GSE1: variants seen among roughly 807,000 people sequenced by gnomAD.
GSE1 encodes genetic suppressor element 1.
Under a neutral mutation model 112.6 loss-of-function variants are expected in GSE1, and 32 were observed. The observed-to-expected ratio is 0.28, with a 90% CI of 0.21 to 0.38. The LOEUF is 0.38. GSE1 is among the 10% of genes least tolerant of loss of function. GSE1 has a pLI of 1.00. For missense variants in GSE1, 2,348 were observed against 1,699.2 expected, an observed-to-expected ratio of 1.38 and a Z score of -6.71; for synonymous variants, 1,115 against 735.6, an observed-to-expected ratio of 1.52 and a Z score of -8.35.
At chr16:85,544,430 G>T (rs186923821) in intron 2 of GSE1, among the ~76,000 whole-genome samples, 1 of 152,186 alleles carries the variant, frequency 6.6e-6, no homozygotes, top group Non-Finnish European at 1.5e-5. Flanking sequence ...CTCAGGCCAC[G>T]GGGACAGTCC....
chr16:85,467,844 C>A (rs1348057613), intron 2 of GSE1, among the ~76,000 whole-genome samples: 1 of 152,182 alleles, frequency 6.6e-6, no homozygotes, highest in African/African-American at 2.4e-5. Flanking sequence ...TTGGAGTTGA[C>A]AGTTGATTCG....
intron 2 of GSE1, among the ~76,000 whole-genome samples, chr16:85,390,558 G>T (rs987267284): frequency 1.3e-5 from 2 of 152,136 alleles, no homozygotes; most frequent in Non-Finnish European, 2.9e-5. Flanking sequence ...AAGGTGTCGG[G>T]CTTTATGTCT....
Position 85,645,971 on chromosome 16 carries a change from A to G in GSE1, c.227-2581A>G, listed in dbSNP as rs1439294970. Among the ~76,000 whole-genome samples the G allele has an allele frequency of 2.7e-5, 4 of 149,686 alleles. No individual in the cohort carries two copies. The East Asian group carries it at 5.9e-4, about 22-fold the overall frequency. On this transcript the variant is annotated intron_variant, in intron 2 of 15. Transcript: ENST00000253458. The stretch of plus-strand genomic sequence containing the variant: ...TCTACCTGCTTCTACCACGCATTCT[A>G]CCTGCTTCTACCACGCTTCCTATGC...
chr16:85,437,026 G>A (rs1386708680), intron 2 of GSE1, among the ~76,000 whole-genome samples: 3 of 152,214 alleles, frequency 2.0e-5, no homozygotes, highest in African/African-American at 7.2e-5. Flanking sequence ...CCTCCCCAGC[G>A]ACTTTTGGCC....
intron 1 of GSE1, among the ~76,000 whole-genome samples, chr16:85,279,830 G>T (rs1242141863): frequency 6.6e-6 from 1 of 152,120 alleles, no homozygotes; most frequent in Non-Finnish European, 1.5e-5. Context: ...GCCTGAGTGA[G>T]GATCTGTGTT....
In GSE1 at chr16:85,246,768, C is replaced by T. The variant is rs891233383; in HGVS notation, c.2283+74961C>T. On this transcript the variant is annotated intron_variant, in intron 1 of 2. Coordinates refer to the GSE1 transcript ENST00000637419. ...CTGTGCCTGGAAGCAATGAAATGGG[C>T]ACCCTCTGGGGGAGCCTCCCCCCTG... 5.9e-5 allele frequency among the ~76,000 whole-genome samples: 9 copies of T among 152,146 alleles called. No homozygotes were observed. In the South Asian group the frequency reaches 1.4e-3, roughly 25 times the overall value.
chr16:85,507,009 C>T (rs1287506596), intron 2 of GSE1, among the ~76,000 whole-genome samples: 1 of 152,176 alleles, frequency 6.6e-6, no homozygotes, highest in Non-Finnish European at 1.5e-5. Context: ...CTGTGGTATG[C>T]CGACCAGTGG....
chr16:85,382,465 C>T (rs886342911), intron 2 of GSE1, among the ~76,000 whole-genome samples: 1 of 152,156 alleles, frequency 6.6e-6, no homozygotes, highest in Non-Finnish European at 1.5e-5. Flanking sequence ...TGGGTAAAAT[C>T]GCTCCCAGTC....
intron 1 of GSE1, among the ~76,000 whole-genome samples, chr16:85,578,912 G>A (rs142729650): frequency 2.6e-4 from 39 of 151,168 alleles, no homozygotes; most frequent in African/African-American, 9.3e-4. Context: ...CTCCTCAACT[G>A]GACTGTAAGC....
chr16:85,366,872 A>G (rs902500490), intron 2 of GSE1, among the ~76,000 whole-genome samples: 4 of 152,278 alleles, frequency 2.6e-5, no homozygotes, highest in African/African-American at 9.6e-5. Flanking sequence ...TTCTTTCCCA[A>G]TAAGTTGGTG....
chr16:85,652,125 C>A (rs1190231675), intron 3 of GSE1, among the ~76,000 whole-genome samples: 1 of 152,246 alleles, frequency 6.6e-6, no homozygotes. Flanking sequence ...CCCCACATGC[C>A]CGTGCACAGC....
At position 85,354,202 on chromosome 16, in the gene GSE1, C is replaced by T. The variant is rs370636330; in HGVS notation, c.2284-3261C>T. Among the ~76,000 whole-genome samples the T allele has an allele frequency of 8.8e-4, 134 of 152,314 alleles. 1 individual carries two copies. In the Middle Eastern group the frequency reaches 0.017, roughly 19 times the overall value. ...TCTCCCCCGGTGGTATTCCCTCTTG[C>T]CATCTTCTGTTCTCTACTGAAAAGC... On this transcript the variant is annotated intron_variant, in intron 1 of 2. Coordinates refer to the GSE1 transcript ENST00000637419.
intron 1 of GSE1, among the ~76,000 whole-genome samples, chr16:85,342,911 G>A (rs562279915): frequency 2.0e-5 from 3 of 151,590 alleles, no homozygotes; most frequent in African/African-American, 7.2e-5. Flanking sequence ...TGTGCATGAA[G>A]AGGGGGTGCC....
chr16:85,174,520 G>A (rs1034431284), intron 1 of GSE1, among the ~76,000 whole-genome samples: 7 of 152,178 alleles, frequency 4.6e-5, no homozygotes, highest in Admixed American at 2.6e-4. Flanking sequence ...CTGGTCTTCC[G>A]TCCTCCCTCC....
Position 85,373,208 on chromosome 16 carries a change from G to A in GSE1, c.2464+15565G>A, listed in dbSNP as rs191134997. Among the ~76,000 whole-genome samples the A allele has an allele frequency of 7.0e-3, 1,069 of 152,332 alleles. 6 individuals are homozygous for A. The highest frequency in any genetic ancestry group is 0.024 in the African/African-American group (1,014 of 41,586). ...CAGGGTGGGTGCCAGGCGCCTGGTA[G>A]CAGGCCCAGCTGCCTCGAGGTGCTC... On this transcript the variant is annotated intron_variant, in intron 2 of 2. Transcript: ENST00000637419. This position sits in a 1 kb window ranked among gnomAD's most constrained non-coding sequence, Gnocchi z 5.1.
chr16:85,625,725 C>T (rs759525870), intron 1 of GSE1, among the ~76,000 whole-genome samples: 7 of 152,262 alleles, frequency 4.6e-5, no homozygotes, highest in East Asian at 1.9e-4. Context: ...TCAAGGGTGT[C>T]GTGGGGCTCG....
Position 85,440,702 on chromosome 16 carries a change from G to C in GSE1, c.2464+83059G>C, listed in dbSNP as rs190389327. On this transcript the variant is annotated intron_variant, in intron 2 of 2. Coordinates refer to the GSE1 transcript ENST00000637419. ...ACTTTTTTCAGGTTGGGTAAGTTCT[G>C]GTGCTGAGGCCCCAGGAACCATCAC... 1.2e-3 allele frequency among the ~76,000 whole-genome samples: 178 copies of C among 152,300 alleles called. 2 individuals carry two copies. Among genetic ancestry groups the C allele is most frequent in the African/African-American group, 4.0e-3 (165 of 41,572 alleles).
intron 3 of GSE1, among the ~76,000 whole-genome samples, chr16:85,652,494 G>A (rs981715788): frequency 3.9e-5 from 6 of 152,220 alleles, no homozygotes; most frequent in Non-Finnish European, 8.8e-5. Context: ...AAGGGGGGCC[G>A]GGGCTCAGCC....
intron 1 of GSE1, among the ~76,000 whole-genome samples, chr16:85,260,672 G>A (rs1249687266): frequency 1.3e-5 from 2 of 152,190 alleles, no homozygotes; most frequent in African/African-American, 4.8e-5. Context: ...CTGTTCCCAG[G>A]GCAATGGGGG....
Sources: gnomAD v4.1 joint callset for allele counts (sites outside exome capture counted in the v4.1 genomes callset) on GRCh38, gnomAD v4.1.1 for gene constraint, Gnocchi (gnomAD v3.1) non-coding constraint, MANE v1.5 for transcripts, NCBI Gene and HGNC (gene_info 2026-07-23, HGNC 2026-07-21) for gene names.